Variants in SH3BP4 observed in about 807,000 individuals in gnomAD.
The protein encoded by SH3BP4 is SH3 domain-binding protein 4.
SH3BP4 carries 33 observed loss-of-function variants against 65.5 expected under a neutral mutation model. The observed-to-expected ratio is 0.50, with a 90% CI of 0.38 to 0.67. The LOEUF is 0.67. Among genes scored for constraint, SH3BP4 ranks in the 30% least tolerant of loss-of-function variants. The pLI is 0.00. For missense variants in SH3BP4, 1,134 were observed against 1,261.4 expected (o/e 0.90, Z 1.53); for synonymous variants, 552 against 545.5 (o/e 1.01, Z -0.17).
chr2:234,972,741 C>T (rs751048746), intron 1 of SH3BP4, among the ~76,000 whole-genome samples: 33 of 152,114 alleles, frequency 2.2e-4, no homozygotes, highest in Non-Finnish European at 4.4e-4. Context: ...ATAAATAAAG[C>T]TCAAGTGAAT....
chr2:235,047,259 A>T (rs1417861930), intron 4 of SH3BP4, among the ~76,000 whole-genome samples: 1 of 152,246 alleles, frequency 6.6e-6, no homozygotes, highest in Non-Finnish European at 1.5e-5. Context: ...AAATGTGCAC[A>T]TTCACATTTA....
At chr2:235,006,224 G>A (rs1273559006) in intron 2 of SH3BP4, among the ~76,000 whole-genome samples, 1 of 152,214 alleles carries the variant, frequency 6.6e-6, no homozygotes, top group East Asian at 1.9e-4. Context: ...GGTCTCCTTT[G>A]TCTTTGCGGG....
intron 3 of SH3BP4, among the ~76,000 whole-genome samples, chr2:235,038,356 ATATATATATAATATATATACATATATAT>A (rs1695496725): frequency 1.6e-4 from 2 of 12,170 alleles, no homozygotes; most frequent in African/African-American, 3.9e-4. Flanking sequence ...TATTTTATAT[ATATATATATAATATATATACATATATAT>A]ATATATATAT....
chr2:235,051,178 G>A lies in SH3BP4; in HGVS notation c.2479-1384G>A, dbSNP rs1348644818. On this transcript the variant is annotated intron_variant, in intron 4 of 5. Transcript: ENST00000392011. The stretch of plus-strand genomic sequence containing the variant: ...TGGTGACGTCATCCTGACTGGCTCA[G>A]AGCCACACGCTAACCATGTGTGGCC... Among the ~76,000 whole-genome samples the A allele has an allele frequency of 2.0e-5, 3 of 152,206 alleles. No homozygotes were observed. The East Asian group carries it at 5.8e-4, about 29-fold the overall frequency.
In SH3BP4 at chr2:235,053,731, C is replaced by T. The variant is rs759753329; in HGVS notation, c.2807C>T (p.Thr936Ile). ...ATCACCAAGCGCTGGAAGCACCTCA[C>T]TGGGACTCTGATCTTGGTGAACTCC... ...NPITKRWKHL[T>I]GTLILVNSLD... Residue 936 changes from threonine to isoleucine, a missense_variant, in exon 6 of 6, where the codon ACT becomes ATT. Physicochemically the swap from Thr to Ile is moderately conservative, Grantham distance 89. Transcript: ENST00000392011. 22 of 1,614,136 alleles carry T rather than the reference C, an allele frequency of 1.4e-5. No individual in the cohort carries two copies. Among genetic ancestry groups the T allele is most frequent in the Non-Finnish European group, 1.4e-5 (17 of 1,180,054 alleles).
Position 235,053,715 on chromosome 2 carries a change from C to T in SH3BP4, c.2791C>T (p.Arg931Cys), listed in dbSNP as rs773894228. 14 of 1,614,090 alleles carry T rather than the reference C, an allele frequency of 8.7e-6. No individual in the cohort carries two copies. The South Asian group carries it at 8.8e-5, about 10-fold the overall frequency. The stretch of plus-strand genomic sequence containing the variant: ...CAAGATGAAAAACCCCATCACCAAG[C>T]GCTGGAAGCACCTCACTGGGACTCT... ...LDKMKNPITK[R>C]WKHLTGTLIL... Residue 931 changes from arginine to cysteine, a missense_variant, in exon 6 of 6, where the codon CGC (arginine) becomes TGC (cysteine). Arg to Cys is a radical substitution (Grantham distance 180, BLOSUM62 -3). Transcript: ENST00000392011.
At position 234,991,506 on chromosome 2, in the gene SH3BP4, A is replaced by G. The variant is rs546433014; in HGVS notation, c.-206-3797A>G. On this transcript the variant is annotated intron_variant, in intron 1 of 5. Coordinates refer to ENST00000392011, the MANE Select transcript of SH3BP4 (RefSeq NM_014521.3). This position sits in a 1 kb window ranked among gnomAD's most constrained non-coding sequence, Gnocchi z 4.2. ...GCCCCAAATCATGGTTAATGACAAC[A>G]CTGATGTTTCTTGAAACAACTGGAG... Among the ~76,000 whole-genome samples the G allele has an allele frequency of 3.9e-5, 6 of 152,338 alleles. No homozygotes were observed. The South Asian group carries it at 1.2e-3, about 32-fold the overall frequency.
chr2:234,966,302 G>A (rs1471651850), intron 1 of SH3BP4, among the ~76,000 whole-genome samples: 10 of 152,134 alleles, frequency 6.6e-5, no homozygotes, highest in African/African-American at 2.4e-4. Flanking sequence ...CCAGGAGGTC[G>A]AAGTTGCAGT....
chr2:235,034,888 AGT>A lies in SH3BP4; in HGVS notation c.-113_-112del. 3 of 802,264 alleles carry A rather than the reference AGT, an allele frequency of 3.7e-6. No homozygotes were observed. In the South Asian group the frequency reaches 4.8e-5, roughly 13 times the overall value. 49.7% of individuals were successfully genotyped at this position (802,264 alleles called of 1,614,324 possible). ...ACTTTCAGGAAGAAACATATTGCCG[AGT>A]GGATGCCGCCGCGCAGCGTGTTTGC... On this transcript the variant is annotated 5_prime_UTR_variant, in exon 3 of 6. An upstream open reading frame in the 5' UTR loses its in-frame stop. Coordinates refer to ENST00000392011, the MANE Select transcript of SH3BP4 (RefSeq NM_014521.3). The surrounding 1 kb of genome is among the most constrained non-coding windows in gnomAD (Gnocchi z 6.2).
chr2:235,048,023 G>A (rs896830832), intron 4 of SH3BP4, among the ~76,000 whole-genome samples: 3 of 152,168 alleles, frequency 2.0e-5, no homozygotes, highest in African/African-American at 7.2e-5. Context: ...ATTGGGGCGG[G>A]AAAGACTGGT....
In SH3BP4 at chr2:234,978,703, G is replaced by A. The variant is rs1204264349; in HGVS notation, c.-206-16600G>A. ...TTCAGTTACCTTAAGAGGGACAACT[G>A]AAACAGAGACAAGCACCCCAACAGT... On this transcript the variant is annotated intron_variant, in intron 1 of 5. Coordinates refer to ENST00000392011, the MANE Select transcript of SH3BP4 (RefSeq NM_014521.3). The surrounding 1 kb of genome is among the most constrained non-coding windows in gnomAD (Gnocchi z 4.1). 2 of 152,218 alleles carry A rather than the reference G, an allele frequency of 1.3e-5. No homozygotes were observed. Among genetic ancestry groups the A allele is most frequent in the Admixed American group, 6.5e-5 (1 of 15,278 alleles). The allele number at this position is 152,218 out of a possible 1,614,324, so 9.4% of individuals were successfully genotyped here. A position where few individuals can be genotyped will look rare whatever the true frequency, so the allele number is the denominator to read the frequency against.
At chr2:235,011,306 A>T (rs1694497373) in intron 2 of SH3BP4, among the ~76,000 whole-genome samples, 1 of 152,158 alleles carries the variant, frequency 6.6e-6, no homozygotes. Context: ...TCCTTCAAAA[A>T]ATATCTGCCT....
chr2:234,975,774 G>A lies in SH3BP4; in HGVS notation c.-206-19529G>A, dbSNP rs1008497588. Reference sequence around the variant, plus strand: ...GCCTGTAGACTCAGCTACCCGGGAGGCTGAGGTGTGAAGATCACCTGAGCC... The same window carrying A: ...GCCTGTAGACTCAGCTACCCGGGAGACTGAGGTGTGAAGATCACCTGAGCC... On this transcript the variant is annotated intron_variant, in intron 1 of 5. Coordinates refer to ENST00000392011, the MANE Select transcript of SH3BP4 (RefSeq NM_014521.3). Among the ~76,000 whole-genome samples, 4 of 152,150 alleles carry A rather than the reference G, an allele frequency of 2.6e-5. No individual in the cohort carries two copies. The East Asian group carries it at 7.7e-4, about 29-fold the overall frequency.
chr2:235,024,324 G>A (rs530299216), intron 2 of SH3BP4, among the ~76,000 whole-genome samples: 3 of 152,350 alleles, frequency 2.0e-5, no homozygotes, highest in East Asian at 3.9e-4. Context: ...CATGCATGGG[G>A]TTGGCAGGTC....
At chr2:235,044,294 G>A (rs1161040299) in intron 4 of SH3BP4, among the ~76,000 whole-genome samples, 7 of 152,232 alleles carry the variant, frequency 4.6e-5, no homozygotes, top group East Asian at 1.9e-4. Flanking sequence ...TGTGGGTTAC[G>A]CCCTGGCCCA....
Position 234,969,837 on chromosome 2 carries a change from G to A in SH3BP4, c.-207+17667G>A, listed in dbSNP as rs560833459. Among the ~76,000 whole-genome samples, 4 of 152,152 alleles carry A rather than the reference G, an allele frequency of 2.6e-5. No individual in the cohort carries two copies. The East Asian group carries it at 5.8e-4, about 22-fold the overall frequency. On this transcript the variant is annotated intron_variant, in intron 1 of 5. Coordinates refer to ENST00000392011, the MANE Select transcript of SH3BP4 (RefSeq NM_014521.3). Reference sequence around the variant, plus strand: ...CTTTCAGGCTGAGACGCGTGCTTGCGCGCACACACACACCCCCTCTTTCTC... The same window carrying A: ...CTTTCAGGCTGAGACGCGTGCTTGCACGCACACACACACCCCCTCTTTCTC...
rs760961798 is a variant in SH3BP4, at chr2:235,041,624, T to C, written c.855T>C (p.Thr285=). 5.5e-5 allele frequency: 88 copies of C among 1,613,944 alleles called. No individual in the cohort carries two copies. The highest frequency in any genetic ancestry group is 7.3e-5 in the Non-Finnish European group (86 of 1,180,052). Residue 285 remains threonine (T), a synonymous_variant, in exon 4 of 6, where the codon ACT becomes ACC. Coordinates refer to ENST00000392011, the MANE Select transcript of SH3BP4 (RefSeq NM_014521.3). The surrounding 1 kb of genome is among the most constrained non-coding windows in gnomAD (Gnocchi z 6.0). ...TTCAGAGCCGGGAGGATTTTCGAAC[T>C]GCCTGGCTAAACCACAGGAAGCTGG... The part of the protein sequence containing the change: ...EQFQSREDFR[T]AWLNHRKLAR...
intron 2 of SH3BP4, among the ~76,000 whole-genome samples, chr2:235,003,166 A>G (rs1694186095): frequency 6.6e-6 from 1 of 152,250 alleles, no homozygotes; most frequent in Non-Finnish European, 1.5e-5. Flanking sequence ...GCTTCGGTGG[A>G]TGGGGCATGG....
rs926664350 is a variant in SH3BP4, at chr2:235,054,478, A to G, written c.*662A>G. 2 of 152,314 alleles carry G rather than the reference A, an allele frequency of 1.3e-5. No homozygotes were observed. Among genetic ancestry groups the G allele is most frequent in the African/African-American group, 2.4e-5 (1 of 41,450 alleles). The allele number at this position is 152,314 out of a possible 1,614,324, so 9.4% of individuals were successfully genotyped here. Reference sequence around the variant, plus strand: ...CTCGTAGTAAATGACCATCCATAGAATATGTGAATCTTTGGTGAGCTTCAG... The same window carrying G: ...CTCGTAGTAAATGACCATCCATAGAGTATGTGAATCTTTGGTGAGCTTCAG... On this transcript the variant is annotated 3_prime_UTR_variant, in exon 6 of 6. Coordinates refer to ENST00000392011, the MANE Select transcript of SH3BP4 (RefSeq NM_014521.3).
Sources: gnomAD v4.1 joint callset for allele counts (sites outside exome capture counted in the v4.1 genomes callset) on GRCh38, gnomAD v4.1.1 for gene constraint, Gnocchi (gnomAD v3.1) non-coding constraint, MANE v1.5 for transcripts, NCBI Gene and HGNC (gene_info 2026-07-23, HGNC 2026-07-21) for gene names.